The following QDPR variants were observed in gnomAD, a reference collection of about 807,000 sequenced individuals.
QDPR encodes the protein quinoid dihydropteridine reductase, also known as dihydropteridine reductase.
Under a neutral mutation model 31.7 loss-of-function variants are expected in QDPR, and 23 were observed. The ratio of observed to expected loss-of-function variants is 0.73; its 90% confidence interval spans 0.52 to 1.03. The LOEUF (loss-of-function observed/expected upper bound fraction) is 1.03, where lower values mean the gene tolerates loss of function less well. Ranked by LOEUF, QDPR falls within the 50% of genes least tolerant of loss-of-function variation. The pLI, the probability that QDPR is intolerant of heterozygous loss-of-function variation, is 0.00. For synonymous variants in QDPR, 124 were observed against 124.7 expected, an observed-to-expected ratio of 0.99 and a Z score of 0.03; for missense variants, 324 against 323.8, an observed-to-expected ratio of 1.00 and a Z score of 0.00.
chr4:17,503,438 T>A (rs1718641191), intron 3 of QDPR, among the ~76,000 whole-genome samples: 1 of 152,240 alleles, frequency 6.6e-6, no homozygotes. Context: ...TAGGACGGGC[T>A]TATTCTTTGG....
chr4:17,495,915 G>A (rs895397776), intron 4 of QDPR, among the ~76,000 whole-genome samples: 1 of 152,014 alleles, frequency 6.6e-6, no homozygotes, highest in African/African-American at 2.4e-5. Flanking sequence ...AGGCTGAGGT[G>A]GAAAGACGGC....
intron 2 of QDPR, among the ~76,000 whole-genome samples, chr4:17,507,508 GTGAGAACC>G (rs2108996131): frequency 6.6e-6 from 1 of 152,262 alleles, no homozygotes; most frequent in African/African-American, 2.4e-5. Flanking sequence ...GGGCAACACA[GTGAGAACC>G]TGACTCAAAA....
intron 2 of QDPR, among the ~76,000 whole-genome samples, chr4:17,505,358 T>C (rs1373992614): frequency 6.7e-6 from 1 of 149,528 alleles, no homozygotes. Context: ...GCGAATCTCC[T>C]GCCTCAGCTT....
intron 6 of QDPR, among the ~76,000 whole-genome samples, chr4:17,489,089 G>A (rs1304900371): frequency 6.6e-6 from 1 of 152,172 alleles, no homozygotes; most frequent in Non-Finnish European, 1.5e-5. Context: ...GGTTTGCTGC[G>A]ATGCATGTTT....
Position 17,501,733 on chromosome 4 carries a change from A to G in QDPR, c.422T>C (p.Leu141Pro). ...LLTLAGAKAA[L>P]DGTPGMIGYG... ...TAAAGGCTTACCAGGAGTCCCATCCAGGGCAGCCTTTGCGCCAGCCAAGGT... is the reference window on the plus strand; with the variant it reads ...TAAAGGCTTACCAGGAGTCCCATCCGGGGCAGCCTTTGCGCCAGCCAAGGT... Residue 141 changes from leucine (L) to proline (P), a missense_variant, in exon 4 of 7, where the codon CTG becomes CCG. Transcript: ENST00000281243. 3 of 1,614,128 alleles carry G rather than the reference A, an allele frequency of 1.9e-6. No individual in the cohort carries two copies. The highest frequency in any genetic ancestry group is 2.5e-6 in the Non-Finnish European group (3 of 1,180,026).
chr4:17,500,339 C>A (rs924194185), intron 4 of QDPR, among the ~76,000 whole-genome samples: 1 of 152,182 alleles, frequency 6.6e-6, no homozygotes, highest in African/African-American at 2.4e-5. Context: ...CCTTTCTACC[C>A]CTGCTTAAAT....
intron 1 of QDPR, among the ~76,000 whole-genome samples, chr4:17,510,177 C>T (rs1302111560): frequency 6.6e-6 from 1 of 152,170 alleles, no homozygotes; most frequent in Non-Finnish European, 1.5e-5. Context: ...AGGTGGCAGA[C>T]CAGATTCAGC....
At chr4:17,508,354 G>T (rs1718863794) in intron 2 of QDPR, among the ~76,000 whole-genome samples, 1 of 152,220 alleles carries the variant, frequency 6.6e-6, no homozygotes, top group Admixed American at 6.5e-5. Flanking sequence ...CACAAGAATT[G>T]TTTGAATCCG....
At chr4:17,508,096 C>A (rs1718851692) in intron 2 of QDPR, among the ~76,000 whole-genome samples, 1 of 152,124 alleles carries the variant, frequency 6.6e-6, no homozygotes, top group Admixed American at 6.5e-5. Context: ...TGTTAGTGTT[C>A]CTGCTGTGAA....
intron 1 of QDPR, 52 bp from the exon 2 acceptor site, chr4:17,509,415 A>T (rs767155017): frequency 2.0e-6 from 3 of 1,498,848 alleles, no homozygotes; most frequent in Non-Finnish European, 2.8e-6. Context: ...TTATTCCATG[A>T]AAGAGTCACA....
intron 3 of QDPR, among the ~76,000 whole-genome samples, chr4:17,502,232 A>T (rs1681541593): frequency 6.6e-6 from 1 of 152,222 alleles, no homozygotes; most frequent in African/African-American, 2.4e-5. Context: ...TCTGTGATAA[A>T]AATCCAAGGG....
At chr4:17,501,105 T>C (rs911844371) in intron 4 of QDPR, among the ~76,000 whole-genome samples, 1 of 152,210 alleles carries the variant, frequency 6.6e-6, no homozygotes, top group Non-Finnish European at 1.5e-5. Context: ...GAAACTACAG[T>C]AGACATCTGG....
At chr4:17,505,484 T>G (rs1355020928) in intron 2 of QDPR, among the ~76,000 whole-genome samples, 1 of 152,106 alleles carries the variant, frequency 6.6e-6, no homozygotes, top group East Asian at 1.9e-4. Flanking sequence ...TGACCTCAGG[T>G]GATTCGCCTG....
intron 4 of QDPR, among the ~76,000 whole-genome samples, chr4:17,494,191 C>T (rs747684624): frequency 6.6e-6 from 1 of 152,118 alleles, no homozygotes; most frequent in African/African-American, 2.4e-5. Flanking sequence ...AAATAAAATA[C>T]CATGTACAAG....
intron 3 of QDPR, among the ~76,000 whole-genome samples, chr4:17,504,112 G>A (rs189566486): frequency 1.1e-4 from 17 of 152,230 alleles, no homozygotes; most frequent in African/African-American, 3.9e-4. Context: ...ATAGCACATG[G>A]CCTGGGGCAC....
Position 17,501,872 on chromosome 4 carries a change from A to C in QDPR, c.296-13T>G. ...TTCTTAAAGAGAGCTGAGTGAAAAA[A>C]ACATGTGGGCTCAGCATTCCCAGGA... On this transcript the variant is annotated splice_polypyrimidine_tract_variant and intron_variant, in intron 3 of 6. Transcript: ENST00000281243. 1 of 1,614,056 alleles carries C rather than the reference A, an allele frequency of 6.2e-7. No homozygotes were observed. Among genetic ancestry groups the C allele is most frequent in the Non-Finnish European group, 8.5e-7 (1 of 1,179,996 alleles).
chr4:17,504,327 A>G, intron 3 of QDPR, 52 bp downstream of exon 3: 3 of 1,523,280 alleles, frequency 2.0e-6, no homozygotes, highest in Non-Finnish European at 1.8e-6. Flanking sequence ...AATCCTTGTC[A>G]GCTGGAAAAA....
intron 4 of QDPR, among the ~76,000 whole-genome samples, chr4:17,494,885 A>G (rs1395789993): frequency 6.6e-6 from 1 of 152,172 alleles, no homozygotes; most frequent in African/African-American, 2.4e-5. Flanking sequence ...ATCACAATTT[A>G]TTCACAAGGC....
intron 4 of QDPR, among the ~76,000 whole-genome samples, chr4:17,498,169 C>G (rs1437104452): frequency 6.6e-6 from 1 of 152,186 alleles, no homozygotes; most frequent in Non-Finnish European, 1.5e-5. Flanking sequence ...ATCCTCGGCA[C>G]ACACACTGTT....
Sources: gnomAD v4.1 joint callset for allele counts (sites outside exome capture counted in the v4.1 genomes callset) on GRCh38, gnomAD v4.1.1 for gene constraint, MANE v1.5 for transcripts, NCBI Gene and HGNC (gene_info 2026-07-23, HGNC 2026-07-21) for gene names.